The following MACROD2 variants were observed in gnomAD, a reference collection of about 807,000 sequenced individuals.
MACROD2 encodes the protein mono-ADP ribosylhydrolase 2.
A neutral mutation model predicts 70.4 loss-of-function variants in MACROD2; 36 were observed. The observed-to-expected ratio is 0.51, with a 90% CI of 0.39 to 0.68. The LOEUF is 0.68. Ranked by LOEUF, MACROD2 falls within the 30% of genes least tolerant of loss-of-function variation. MACROD2 has a pLI of 0.00. For synonymous variants in MACROD2, 172 were observed against 178.8 expected, an observed-to-expected ratio of 0.96 and a Z score of 0.30; for missense variants, 496 against 538.4, an observed-to-expected ratio of 0.92 and a Z score of 0.78.
chr20:15,729,758 C>T (rs2050916793), intron 8 of MACROD2, among the ~76,000 whole-genome samples: 1 of 151,148 alleles, frequency 6.6e-6, no homozygotes, highest in Non-Finnish European at 1.5e-5. Flanking sequence ...TTTCTCCATC[C>T]CTTTACTTTG....
chr20:14,394,193 C>A lies in MACROD2; in HGVS notation c.272-99286C>A, dbSNP rs77317070. 6.9e-4 allele frequency among the ~76,000 whole-genome samples: 105 copies of A among 152,206 alleles called. No homozygotes were observed. The East Asian group carries it at 8.1e-3, about 12-fold the overall frequency. On this transcript the variant is annotated intron_variant, in intron 3 of 17. Transcript: ENST00000684519. The stretch of plus-strand genomic sequence containing the variant: ...TTGAGATTGTGTTGAATTTATAGAT[C>A]AATTTAAGGAAAATTGACATCTTTG...
intron 3 of MACROD2, among the ~76,000 whole-genome samples, chr20:14,246,190 T>C (rs112628766): frequency 1.2e-4 from 18 of 152,358 alleles, no homozygotes; most frequent in African/African-American, 2.9e-4. Context: ...GGCTCATTAA[T>C]GTTTCCTCTA....
chr20:14,948,808 C>T (rs1042356270), intron 5 of MACROD2, among the ~76,000 whole-genome samples: 2 of 152,088 alleles, frequency 1.3e-5, no homozygotes, highest in Non-Finnish European at 2.9e-5. Context: ...ACAGGACTTT[C>T]GCTAAGTAAC....
At chr20:15,770,824 A>G (rs1568551412) in intron 8 of MACROD2, among the ~76,000 whole-genome samples, 1 of 152,120 alleles carries the variant, frequency 6.6e-6, no homozygotes, top group African/African-American at 2.4e-5. Flanking sequence ...CTCCTGGGAC[A>G]CACCCTCCTC....
At chr20:15,769,988 G>GCC (rs530276151) in intron 8 of MACROD2, among the ~76,000 whole-genome samples, 2 of 151,212 alleles carry the variant, frequency 1.3e-5, no homozygotes, top group Non-Finnish European at 2.9e-5. Context: ...GTGTGAGTGC[G>GCC]CCCCCCCACA....
chr20:14,354,765 C>T (rs897818775), intron 3 of MACROD2, among the ~76,000 whole-genome samples: 1 of 152,166 alleles, frequency 6.6e-6, no homozygotes, highest in Non-Finnish European at 1.5e-5. Context: ...TCTCTCCCTT[C>T]CTTCTCTAGT....
At chr20:15,415,536 TA>T (rs2046135500) in intron 6 of MACROD2, among the ~76,000 whole-genome samples, 1 of 152,244 alleles carries the variant, frequency 6.6e-6, no homozygotes. Context: ...TTGGCTGTAG[TA>T]AGTTTTATCT....
intron 3 of MACROD2, among the ~76,000 whole-genome samples, chr20:14,178,889 G>T (rs2081285347): frequency 6.6e-6 from 1 of 151,940 alleles, no homozygotes; most frequent in Non-Finnish European, 1.5e-5. Context: ...CTTCTTACAC[G>T]ATGGTTCCAA....
At chr20:14,012,614 CT>C (rs2052928155) in intron 2 of MACROD2, among the ~76,000 whole-genome samples, 1 of 152,146 alleles carries the variant, frequency 6.6e-6, no homozygotes, top group East Asian at 1.9e-4. Flanking sequence ...AACGTCATGA[CT>C]TTTCTCTGCT....
At chr20:14,399,945 C>T (rs955589180) in intron 3 of MACROD2, among the ~76,000 whole-genome samples, 1 of 152,066 alleles carries the variant, frequency 6.6e-6, no homozygotes, top group Non-Finnish European at 1.5e-5. Context: ...TTTTATTTAA[C>T]ATGCTTAATC....
At position 14,502,730 on chromosome 20, in the gene MACROD2, A is replaced by G. The variant is rs148969500; in HGVS notation, c.301+9222A>G. ...ATCCAAATAAAGGGGAATAACCTGA[A>G]TTGTTGGATAACACAAATCCAGATA... On this transcript the variant is annotated intron_variant, in intron 4 of 17. Coordinates refer to ENST00000684519, the MANE Select transcript of MACROD2 (RefSeq NM_001351661.2). Among the ~76,000 whole-genome samples the G allele has an allele frequency of 3.3e-5, 5 of 152,338 alleles. No homozygotes were observed. The East Asian group carries it at 9.6e-4, about 29-fold the overall frequency.
At position 15,058,124 on chromosome 20, in the gene MACROD2, T is replaced by C. The variant is rs534409786; in HGVS notation, c.419-171816T>C. On this transcript the variant is annotated intron_variant, in intron 5 of 17. Coordinates refer to ENST00000684519, the MANE Select transcript of MACROD2 (RefSeq NM_001351661.2). Reference sequence around the variant, plus strand: ...GGCTGCTCGACGTAGGGGAAGGGCATAGTCTTTCTACTTTCTTTTTATACC... The same window carrying C: ...GGCTGCTCGACGTAGGGGAAGGGCACAGTCTTTCTACTTTCTTTTTATACC... Among the ~76,000 whole-genome samples the C allele has an allele frequency of 3.3e-5, 5 of 152,322 alleles. No individual in the cohort carries two copies. In the South Asian group the frequency reaches 1.0e-3, roughly 32 times the overall value.
chr20:15,670,293 G>A (rs559900747), intron 8 of MACROD2, among the ~76,000 whole-genome samples: 2 of 152,286 alleles, frequency 1.3e-5, no homozygotes, highest in South Asian at 4.1e-4. Flanking sequence ...TGGCTGGCAC[G>A]ACATTGTCCC....
intron 5 of MACROD2, among the ~76,000 whole-genome samples, chr20:14,752,826 G>A (rs895724935): frequency 5.9e-5 from 9 of 151,990 alleles, no homozygotes; most frequent in African/African-American, 2.2e-4. Context: ...TAGGAGTGAG[G>A]GAATAAGGAG....
chr20:14,019,980 T>C (rs186728556), intron 2 of MACROD2, among the ~76,000 whole-genome samples: 4 of 152,264 alleles, frequency 2.6e-5, no homozygotes, highest in Admixed American at 2.6e-4. Context: ...GGGGAGGCTA[T>C]TATCATTTAA....
At chr20:14,406,174 A>G (rs1271520339) in intron 3 of MACROD2, among the ~76,000 whole-genome samples, 2 of 152,162 alleles carry the variant, frequency 1.3e-5, no homozygotes, top group African/African-American at 4.8e-5. Flanking sequence ...AAGTACTCCA[A>G]CAATGGATAA....
intron 17 of MACROD2, among the ~76,000 whole-genome samples, chr20:16,046,711 C>T (rs1241876759): frequency 3.2e-5 from 4 of 123,804 alleles, no homozygotes; most frequent in Non-Finnish European, 6.4e-5. Context: ...GACAGAGTCT[C>T]ACTCTGTCAC....
At chr20:15,823,352 T>A (rs1239434595) in intron 8 of MACROD2, among the ~76,000 whole-genome samples, 1 of 150,284 alleles carries the variant, frequency 6.7e-6, no homozygotes, top group Non-Finnish European at 1.5e-5. Context: ...CAAATCATAT[T>A]TGCAAAATAA....
chr20:14,218,139 G>C (rs2081639593), intron 3 of MACROD2, among the ~76,000 whole-genome samples: 1 of 152,108 alleles, frequency 6.6e-6, no homozygotes, highest in Non-Finnish European at 1.5e-5. Flanking sequence ...ATATTATTGT[G>C]TTGCTATCTC....
Sources: gnomAD v4.1 joint callset for allele counts (sites outside exome capture counted in the v4.1 genomes callset) on GRCh38, gnomAD v4.1.1 for gene constraint, MANE v1.5 for transcripts, NCBI Gene and HGNC (gene_info 2026-07-23, HGNC 2026-07-21) for gene names.